Variants in SPIDR observed in about 807,000 individuals in gnomAD.
SPIDR encodes the protein scaffold protein involved in DNA repair, also known as DNA repair-scaffolding protein.
Under a neutral mutation model 104.6 loss-of-function variants are expected in SPIDR, and 93 were observed. The observed-to-expected ratio is 0.89, with a 90% CI of 0.75 to 1.06. The LOEUF (loss-of-function observed/expected upper bound fraction) is 1.06. Among genes scored for constraint, SPIDR ranks in the 50% least tolerant of loss-of-function variants. The pLI is 0.00. For synonymous variants in SPIDR, 431 were observed against 416.9 expected (o/e 1.03, Z -0.41); for missense variants, 1,154 against 1,111.2 (o/e 1.04, Z -0.55).
intron 8 of SPIDR, among the ~76,000 whole-genome samples, chr8:47,544,494 T>A (rs945276195): frequency 6.6e-6 from 1 of 152,254 alleles, no homozygotes; most frequent in African/African-American, 2.4e-5. Context: ...TTTAACTCTA[T>A]GATCTATTTT....
At chr8:47,683,734 T>C (rs1348381074) in intron 11 of SPIDR, among the ~76,000 whole-genome samples, 1 of 152,172 alleles carries the variant, frequency 6.6e-6, no homozygotes, top group Non-Finnish European at 1.5e-5. Flanking sequence ...TTAGGGATAC[T>C]CAACTTTGGT....
At chr8:47,723,616 A>G (rs545348428) in intron 16 of SPIDR, among the ~76,000 whole-genome samples, 129 of 152,046 alleles carry the variant, frequency 8.5e-4, no homozygotes, top group African/African-American at 3.0e-3. Flanking sequence ...TTTTTAGTAG[A>G]GACAGGGTTT....
intron 8 of SPIDR, among the ~76,000 whole-genome samples, chr8:47,524,732 T>G (rs1210116395): frequency 6.6e-6 from 1 of 152,214 alleles, no homozygotes; most frequent in Admixed American, 6.5e-5. Context: ...TGCTACTGCA[T>G]GATGTCAGAG....
chr8:47,692,092 T>G (rs2078731948), intron 11 of SPIDR, among the ~76,000 whole-genome samples: 1 of 152,232 alleles, frequency 6.6e-6, no homozygotes, highest in Non-Finnish European at 1.5e-5. Flanking sequence ...ATGGAAGTAT[T>G]TCAGGTCAGG....
intron 6 of SPIDR, among the ~76,000 whole-genome samples, 160 bp downstream of exon 6, chr8:47,396,786 A>G (rs2061299335): frequency 1.3e-5 from 2 of 152,210 alleles, no homozygotes. Context: ...GGCTTTACTC[A>G]TGCCCAGCAG....
chr8:47,542,156 TTAAC>T (rs1167430751), intron 8 of SPIDR, among the ~76,000 whole-genome samples: 1 of 151,310 alleles, frequency 6.6e-6, no homozygotes, highest in Non-Finnish European at 1.5e-5. Flanking sequence ...CAACGTCGTC[TTAAC>T]TGTCATTTTC....
chr8:47,289,641 A>G (rs946213630), intron 3 of SPIDR, among the ~76,000 whole-genome samples: 46 of 152,290 alleles, frequency 3.0e-4, no homozygotes, highest in Non-Finnish European at 5.7e-4. Flanking sequence ...GAGAGACTGG[A>G]TCACCAGTAC....
intron 5 of SPIDR, chr8:47,330,666 C>T: frequency 2.4e-6 from 1 of 422,914 alleles, no homozygotes; most frequent in Non-Finnish European, 4.8e-6. Flanking sequence ...AACTTTCCTC[C>T]ATGTCTTTTC....
chr8:47,720,800 C>T (rs1045809959), intron 16 of SPIDR, among the ~76,000 whole-genome samples: 1 of 151,940 alleles, frequency 6.6e-6, no homozygotes, highest in African/African-American at 2.4e-5. Context: ...CTCTGTTGCC[C>T]AGGCTGGAGT....
chr8:47,571,050 C>A (rs927747268), intron 8 of SPIDR, among the ~76,000 whole-genome samples: 4 of 151,638 alleles, frequency 2.6e-5, no homozygotes, highest in Non-Finnish European at 5.9e-5. Context: ...GAGATCGCAC[C>A]ACGGCACTCC....
chr8:47,314,625 G>A (rs1346369282), intron 5 of SPIDR, among the ~76,000 whole-genome samples: 1 of 152,102 alleles, frequency 6.6e-6, no homozygotes, highest in African/African-American at 2.4e-5. Flanking sequence ...CACGAGAATA[G>A]CATGAGGGTA....
chr8:47,445,762 G>A (rs782181243), intron 8 of SPIDR, among the ~76,000 whole-genome samples: 1 of 152,210 alleles, frequency 6.6e-6, no homozygotes, highest in Admixed American at 6.5e-5. Context: ...AAGCAAAGCT[G>A]CCTTATTGCT....
At chr8:47,319,873 A>G (rs868938590) in intron 5 of SPIDR, among the ~76,000 whole-genome samples, 1 of 151,994 alleles carries the variant, frequency 6.6e-6, no homozygotes, top group Non-Finnish European at 1.5e-5. Context: ...ATGAAAGCAG[A>G]AATAAAGATG....
At chr8:47,341,455 TA>T (rs143255603) in intron 5 of SPIDR, among the ~76,000 whole-genome samples, 17 of 150,376 alleles carry the variant, frequency 1.1e-4, no homozygotes, top group East Asian at 1.9e-4. Flanking sequence ...TTTGTTTGTT[TA>T]AAAAAAAAAT....
intron 8 of SPIDR, among the ~76,000 whole-genome samples, chr8:47,545,044 A>T (rs1446706709): frequency 6.7e-6 from 1 of 148,852 alleles, no homozygotes; most frequent in African/African-American, 2.5e-5. Flanking sequence ...ATTTTGTTAG[A>T]TTTACACCAA....
intron 1 of SPIDR, 103 bp downstream of exon 1, chr8:47,261,094 G>A (rs2032052148): frequency 1.7e-6 from 2 of 1,177,982 alleles, no homozygotes; most frequent in East Asian, 3.3e-5. Context: ...GAGAGAGGGT[G>A]GGCGTTGGGG....
At chr8:47,578,646 C>G (rs1468947044) in intron 8 of SPIDR, among the ~76,000 whole-genome samples, 3 of 152,120 alleles carry the variant, frequency 2.0e-5, no homozygotes, top group Non-Finnish European at 4.4e-5. Context: ...ATAAACCAAA[C>G]CCTGTAGACA....
chr8:47,582,077 C>T (rs924089865), intron 8 of SPIDR, among the ~76,000 whole-genome samples: 5 of 152,044 alleles, frequency 3.3e-5, no homozygotes, highest in African/African-American at 1.2e-4. Context: ...ATTAGCCAGG[C>T]GTGGTGGCGG....
chr8:47,440,267 T>C, intron 7 of SPIDR, 56 bp from the exon 8 acceptor site: 1 of 1,491,184 alleles, frequency 6.7e-7, no homozygotes, highest in Admixed American at 1.7e-5. Flanking sequence ...TTATTCACGC[T>C]TGAACCATCT....
Sources: gnomAD v4.1 joint callset for allele counts (sites outside exome capture counted in the v4.1 genomes callset) on GRCh38, gnomAD v4.1.1 for gene constraint, MANE v1.5 for transcripts, NCBI Gene and HGNC (gene_info 2026-07-23, HGNC 2026-07-21) for gene names.